Variants in HPSE2 observed in about 807,000 individuals in gnomAD.
The protein encoded by HPSE2 is inactive heparanase-2.
A neutral mutation model predicts 60.5 loss-of-function variants in HPSE2; 38 were observed. That is an observed-to-expected ratio of 0.63 (90% CI 0.48 to 0.82). The LOEUF (loss-of-function observed/expected upper bound fraction) is 0.82. Among genes scored for constraint, HPSE2 ranks in the 40% least tolerant of loss-of-function variants. The pLI, the probability that HPSE2 is intolerant of heterozygous loss-of-function variation, is 0.00. For missense variants in HPSE2, 713 were observed against 740.4 expected (o/e 0.96, Z 0.43); for synonymous variants, 295 against 293.2 (o/e 1.01, Z -0.06).
At chr10:98,782,891 G>T (rs1334559702) in intron 3 of HPSE2, among the ~76,000 whole-genome samples, 1 of 127,974 alleles carries the variant, frequency 7.8e-6, no homozygotes, top group Non-Finnish European at 1.7e-5. Context: ...GGGTTGAGTG[G>T]GTCTACTTCC....
chr10:98,964,838 T>C (rs1256447640), intron 3 of HPSE2, among the ~76,000 whole-genome samples: 1 of 152,180 alleles, frequency 6.6e-6, no homozygotes, highest in Non-Finnish European at 1.5e-5. Flanking sequence ...AATTTCATTA[T>C]ATTTTCCCCC....
At chr10:98,588,084 T>C (rs1944985821) in intron 9 of HPSE2, among the ~76,000 whole-genome samples, 1 of 152,166 alleles carries the variant, frequency 6.6e-6, no homozygotes, top group Non-Finnish European at 1.5e-5. Flanking sequence ...CAGCTTTGAG[T>C]TTCAAATTAG....
intron 3 of HPSE2, among the ~76,000 whole-genome samples, chr10:99,119,437 C>A (rs1040636746): frequency 3.3e-5 from 5 of 152,036 alleles, no homozygotes; most frequent in African/African-American, 1.2e-4. Flanking sequence ...TCAAAGAAAT[C>A]AAAGATGATG....
intron 3 of HPSE2, among the ~76,000 whole-genome samples, chr10:98,881,150 G>A (rs143527486): frequency 1.5e-4 from 23 of 152,204 alleles, no homozygotes; most frequent in African/African-American, 5.3e-4. Flanking sequence ...AGCACAGGCT[G>A]CAAGCAGCTG....
chr10:98,622,123 AT>A (rs1453730030), intron 7 of HPSE2, among the ~76,000 whole-genome samples: 1 of 152,250 alleles, frequency 6.6e-6, no homozygotes, highest in African/African-American at 2.4e-5. Flanking sequence ...AAATGTGGAT[AT>A]ACACTATACA....
chr10:98,487,698 G>A (rs1269935106), intron 10 of HPSE2, among the ~76,000 whole-genome samples: 1 of 152,194 alleles, frequency 6.6e-6, no homozygotes, highest in African/African-American at 2.4e-5. Flanking sequence ...TCCCTGTTTT[G>A]ACCTGGGACA....
intron 3 of HPSE2, among the ~76,000 whole-genome samples, chr10:98,818,383 G>T (rs558489688): frequency 8.4e-4 from 128 of 152,236 alleles, no homozygotes; most frequent in Admixed American, 2.6e-3. Context: ...TATATCCCTC[G>T]CTTGTGCAGT....
intron 6 of HPSE2, among the ~76,000 whole-genome samples, chr10:98,687,436 C>T (rs1947945829): frequency 6.6e-6 from 1 of 152,188 alleles, no homozygotes; most frequent in Non-Finnish European, 1.5e-5. Flanking sequence ...TTATGCCTTC[C>T]TCTTCTACTC....
intron 1 of HPSE2, 39 bp downstream of exon 1, chr10:99,235,474 T>TA (rs767307025): frequency 1.2e-6 from 2 of 1,606,178 alleles, no homozygotes; most frequent in Non-Finnish European, 1.7e-6. Context: ...GGGGTGTTAC[T>TA]AAAAAATTTT....
intron 9 of HPSE2, among the ~76,000 whole-genome samples, chr10:98,597,828 G>T (rs1945285435): frequency 6.6e-6 from 1 of 151,496 alleles, no homozygotes; most frequent in Non-Finnish European, 1.5e-5. Flanking sequence ...AAAATTAGCT[G>T]GGCATGGTGG....
intron 3 of HPSE2, among the ~76,000 whole-genome samples, chr10:98,992,843 C>T (rs1956557233): frequency 1.3e-5 from 2 of 152,184 alleles, no homozygotes; most frequent in South Asian, 4.1e-4. Flanking sequence ...AGTTAGACAG[C>T]ACTGGGTTCC....
chr10:98,973,264 C>G (rs567214388), intron 3 of HPSE2, among the ~76,000 whole-genome samples: 1 of 152,122 alleles, frequency 6.6e-6, no homozygotes, highest in Admixed American at 6.5e-5. Context: ...ACAAAATTGA[C>G]AGTGTTTGCA....
chr10:99,225,094 T>C (rs964192564), intron 2 of HPSE2, among the ~76,000 whole-genome samples: 1 of 152,118 alleles, frequency 6.6e-6, no homozygotes, highest in Non-Finnish European at 1.5e-5. Context: ...TGCATCCATT[T>C]TGATTTCAAA....
intron 3 of HPSE2, among the ~76,000 whole-genome samples, chr10:98,796,710 C>A (rs921494965): frequency 4.6e-5 from 7 of 152,158 alleles, no homozygotes; most frequent in Non-Finnish European, 8.8e-5. Flanking sequence ...TTACAACAGG[C>A]CTTGGGCAAG....
chr10:99,282,667 T>A, the HPSE2 span, among the ~76,000 whole-genome samples: 2 of 151,742 alleles, frequency 1.3e-5, no homozygotes, highest in Non-Finnish European at 2.9e-5. Context: ...TGTTTTCCAA[T>A]CACAATAGAA....
chr10:98,669,865 G>T (rs897883331), intron 6 of HPSE2, among the ~76,000 whole-genome samples: 1 of 152,086 alleles, frequency 6.6e-6, no homozygotes, highest in Non-Finnish European at 1.5e-5. Context: ...GTGCACAGGT[G>T]CCCCCTGAAT....
At chr10:98,951,777 T>C (rs1191370739) in intron 3 of HPSE2, among the ~76,000 whole-genome samples, 2 of 152,170 alleles carry the variant, frequency 1.3e-5, no homozygotes, top group Admixed American at 6.5e-5. Context: ...CCAAGGATAG[T>C]GCCCTTTACA....
At chr10:99,256,399 C>T in the HPSE2 span, among the ~76,000 whole-genome samples, 2 of 2,012 alleles carry the variant, frequency 9.9e-4, no homozygotes, top group African/African-American at 1.6e-3. Flanking sequence ...TACAAGATGA[C>T]TCACCAAACA....
intron 3 of HPSE2, among the ~76,000 whole-genome samples, chr10:99,005,916 C>T (rs974845620): frequency 6.6e-6 from 1 of 152,110 alleles, no homozygotes; most frequent in African/African-American, 2.4e-5. Context: ...GGACATGTAG[C>T]CTCGTAACTG....
Sources: allele counts gnomAD v4.1 joint callset (sites outside exome capture counted in the v4.1 genomes callset), GRCh38; gene constraint gnomAD v4.1.1; transcripts MANE v1.5; gene names NCBI Gene and HGNC (gene_info 2026-07-23, HGNC 2026-07-21).